The following NGDN variants were observed in gnomAD, a reference collection of about 807,000 sequenced individuals.
The protein encoded by NGDN is EIF4E-binding protein.
Under a neutral mutation model 45.2 loss-of-function variants are expected in NGDN, and 41 were observed. The observed-to-expected ratio is 0.91, with a 90% CI of 0.71 to 1.18. The LOEUF is 1.18. Ranked by LOEUF, NGDN falls within the 50% of genes most tolerant of loss-of-function variation. The pLI, the probability that NGDN is intolerant of heterozygous loss-of-function variation, is 0.00. For synonymous variants in NGDN, 137 were observed against 130.9 expected, an observed-to-expected ratio of 1.05 and a Z score of -0.32; for missense variants, 402 against 399.9, an observed-to-expected ratio of 1.01 and a Z score of -0.05.
intron 2 of NGDN, chr14:23,470,359 A>G (rs766739364): frequency 2.1e-6 from 1 of 466,960 alleles, no homozygotes; most frequent in Non-Finnish European, 3.8e-6. Flanking sequence ...TTGGAATGGT[A>G]ACATGACTTG....
Position 23,475,274 on chromosome 14 carries a change from A to T in NGDN, c.248A>T (p.His83Leu), listed in dbSNP as rs760668652. Reference protein sequence around the residue: ...DKASGGSLQGHDAVLRLVEIR... With the variant: ...DKASGGSLQGLDAVLRLVEIR... ...GCCTCAGGAGGATCTCTTCAGGGAC[A>T]TGATGCAGTTTTGAGACTGGTGGAG... Residue 83 changes from histidine to leucine, a missense_variant, in exon 4 of 11, where the codon CAT becomes CTT. His to Leu is a moderately conservative substitution (Grantham distance 99). Coordinates refer to ENST00000408901, the MANE Select transcript of NGDN (RefSeq NM_001042635.2). 1 of 1,613,850 alleles carries T rather than the reference A, an allele frequency of 6.2e-7. No homozygotes were observed. The highest frequency in any genetic ancestry group is 8.5e-7 in the Non-Finnish European group (1 of 1,179,858).
chr14:23,477,899 C>T (rs986020634), intron 10 of NGDN, 108 bp from the exon 11 acceptor site: 2 of 1,607,722 alleles, frequency 1.2e-6, no homozygotes, highest in Non-Finnish European at 1.7e-6. Context: ...AGGGTACTGC[C>T]TAGGAGACCC....
chr14:23,475,112 T>G lies in NGDN; in HGVS notation c.145-59T>G, dbSNP rs113856049. The G allele has an allele frequency of 4.3e-4, 666 of 1,553,252 alleles. 9 individuals are homozygous for G. The African/African-American group carries it at 8.2e-3, about 19-fold the overall frequency. On this transcript the variant is annotated intron_variant, in intron 3 of 10. Coordinates refer to ENST00000408901, the MANE Select transcript of NGDN (RefSeq NM_001042635.2). ...AAAAACATCCCGTTTACCCTAGGCT[T>G]TCATCTGGTTCTTTGGCTAAAACCA...
intron 3 of NGDN, among the ~76,000 whole-genome samples, chr14:23,472,672 C>G (rs2138721783): frequency 6.6e-6 from 1 of 152,150 alleles, no homozygotes; most frequent in South Asian, 2.1e-4. Context: ...AGCTTTTGTC[C>G]TAAGATATTT....
At chr14:23,470,788 A>G in intron 2 of NGDN, 118 bp from the exon 3 acceptor site, 3 of 684,842 alleles carry the variant, frequency 4.4e-6, no homozygotes, top group Middle Eastern at 2.6e-4. Context: ...AGATAGTACT[A>G]TACTTTAGAC....
chr14:23,472,364 C>T (rs1893801589), intron 3 of NGDN, among the ~76,000 whole-genome samples: 1 of 151,548 alleles, frequency 6.6e-6, no homozygotes, highest in African/African-American at 2.4e-5. Flanking sequence ...GGCATGGTGG[C>T]GTGTGCCTGT....
At chr14:23,473,647 A>G (rs1893834414) in intron 3 of NGDN, among the ~76,000 whole-genome samples, 1 of 152,172 alleles carries the variant, frequency 6.6e-6, no homozygotes, top group Admixed American at 6.5e-5. Flanking sequence ...CAACATGGCG[A>G]AACCCCGTCT....
intron 3 of NGDN, among the ~76,000 whole-genome samples, chr14:23,472,409 A>G (rs924221395): frequency 3.9e-5 from 6 of 151,936 alleles, no homozygotes; most frequent in African/African-American, 1.5e-4. Flanking sequence ...CTGAGGCAGG[A>G]GAATTGTTTG....
intron 3 of NGDN, 42 bp from the exon 4 acceptor site, chr14:23,475,129 C>G: frequency 6.3e-7 from 1 of 1,581,818 alleles, no homozygotes; most frequent in Non-Finnish European, 8.6e-7. Context: ...GGTTCTTTGG[C>G]TAAAACCAAA....
intron 2 of NGDN, 123 bp from the exon 3 acceptor site, chr14:23,470,783 G>A: frequency 1.5e-6 from 1 of 650,298 alleles, no homozygotes; most frequent in Non-Finnish European, 2.6e-6. Flanking sequence ...TGAGAAGATA[G>A]TACTATACTT....
chr14:23,470,861 A>C, intron 2 of NGDN, 45 bp from the exon 3 acceptor site: 1 of 1,436,970 alleles, frequency 7.0e-7, no homozygotes, highest in Non-Finnish European at 9.4e-7. Flanking sequence ...TTGCAGACAT[A>C]ATTTGATATA....
chr14:23,478,373 A>C (rs879294006), downstream of NGDN: 2 of 252,974 alleles, frequency 7.9e-6, no homozygotes, highest in East Asian at 1.8e-4. Context: ...GGTATAATCA[A>C]CTCTTTCAAC....
rs199543087 is a variant in NGDN, at chr14:23,478,075, A to G, written c.*49A>G. On this transcript the variant is annotated 3_prime_UTR_variant, in exon 11 of 11. Transcript: ENST00000408901. ...TTTTTTGTCATCCTGAGATACTTCTAATTTCATTGTATATAGGTGGTTTTC... is the reference window on the plus strand; with the variant it reads ...TTTTTTGTCATCCTGAGATACTTCTGATTTCATTGTATATAGGTGGTTTTC... The G allele has an allele frequency of 9.0e-6, 14 of 1,556,624 alleles. No individual in the cohort carries two copies. Among genetic ancestry groups the G allele is most frequent in the African/African-American group, 1.4e-5 (1 of 73,800 alleles).
In NGDN at chr14:23,476,256, C is replaced by T. The variant is rs376801442; in HGVS notation, c.562C>T (p.Arg188Trp). Residue 188 changes from arginine (R) to tryptophan (W), a missense_variant, in exon 8 of 11, where the codon CGG becomes TGG. Transcript: ENST00000408901. ...TCATGTAGATGAAACAGAAGCTGAG[C>T]GGGAGAAGAAGCGTCTAGAACGAGC... The part of the protein sequence containing the change: ...PVHYDETEAE[R>W]EKKRLERAKR... The T allele has an allele frequency of 1.1e-5, 17 of 1,613,890 alleles. No individual in the cohort carries two copies. In the African/African-American group the frequency reaches 1.5e-4, roughly 14 times the overall value.
intron 3 of NGDN, among the ~76,000 whole-genome samples, chr14:23,472,182 TAAAAAAAAAAA>T (rs78085081): frequency 1.2e-5 from 1 of 82,096 alleles, no homozygotes; most frequent in Admixed American, 1.5e-4. Flanking sequence ...GAGACTGTCT[TAAAAAAAAAAA>T]AAAAAAAAAA....
intron 4 of NGDN, 74 bp downstream of exon 4, chr14:23,475,382 C>A: frequency 6.9e-7 from 1 of 1,443,522 alleles, no homozygotes; most frequent in East Asian, 2.3e-5. Context: ...CAGTAGCTCT[C>A]ATTTAAGTGA....
chr14:23,477,088 C>A (rs984724404), intron 8 of NGDN, 112 bp from the exon 9 acceptor site: 3 of 962,196 alleles, frequency 3.1e-6, no homozygotes, highest in African/African-American at 1.6e-5. Context: ...TGCTGTGAAA[C>A]TTCTTGAGAA....
rs1595107853 is a variant in NGDN, at chr14:23,476,504, G to A, written c.713+97G>A. ...TAAGTTTGGTACCAAGAGAATTAAT[G>A]TTACATAGAAAATGGAGTGAAAACT... On this transcript the variant is annotated intron_variant, in intron 8 of 10. Transcript: ENST00000408901. The A allele has an allele frequency of 9.2e-6, 10 of 1,085,744 alleles. No individual in the cohort carries two copies. The South Asian group carries it at 1.5e-4, about 17-fold the overall frequency. 67.3% of individuals were successfully genotyped at this position (1,085,744 alleles called of 1,614,324 possible).
chr14:23,475,765 A>G lies in NGDN; in HGVS notation c.407A>G (p.Asn136Ser). The change falls in exon 6 of 11, where the codon AAT becomes AGT. Residue 136 changes from asparagine (N) to serine (S), a missense_variant. Coordinates refer to ENST00000408901, the MANE Select transcript of NGDN (RefSeq NM_001042635.2). Reference sequence around the variant, plus strand: ...CTTCGTTTTAAGCCTCATCCCAGCAATATGATGAGCAAGGTAAGGGGTTGT... The same window carrying G: ...CTTCGTTTTAAGCCTCATCCCAGCAGTATGATGAGCAAGGTAAGGGGTTGT... ...DPLRFKPHPS[N>S]MMSKLSSEDE... 2 of 1,613,072 alleles carry G rather than the reference A, an allele frequency of 1.2e-6. No individual in the cohort carries two copies. Among genetic ancestry groups the G allele is most frequent in the Non-Finnish European group, 1.7e-6 (2 of 1,179,948 alleles).
Sources: allele counts gnomAD v4.1 joint callset (sites outside exome capture counted in the v4.1 genomes callset), GRCh38; gene constraint gnomAD v4.1.1; transcripts MANE v1.5; gene names NCBI Gene and HGNC (gene_info 2026-07-23, HGNC 2026-07-21).